Variants in KCNH7 observed in about 807,000 individuals in gnomAD.
KCNH7 encodes the protein voltage-gated inwardly rectifying potassium channel KCNH7.
Under a neutral mutation model 120.8 loss-of-function variants are expected in KCNH7, and 49 were observed. That is an observed-to-expected ratio of 0.41 (90% CI 0.32 to 0.51). The LOEUF (loss-of-function observed/expected upper bound fraction) is 0.51. KCNH7 is among the 20% of genes least tolerant of loss of function. The pLI is 0.38. For synonymous variants in KCNH7, 547 were observed against 516.1 expected, an observed-to-expected ratio of 1.06 and a Z score of -0.81; for missense variants, 1,097 against 1,446.6, an observed-to-expected ratio of 0.76 and a Z score of 3.92.
At chr2:162,514,596 T>C (rs1194560186) in intron 4 of KCNH7, among the ~76,000 whole-genome samples, 1 of 151,772 alleles carries the variant, frequency 6.6e-6, no homozygotes, top group Non-Finnish European at 1.5e-5. Context: ...GAATCTTTTG[T>C]AGCAGTTTGG....
chr2:162,562,307 T>G (rs1194511031), intron 2 of KCNH7, among the ~76,000 whole-genome samples: 3 of 152,194 alleles, frequency 2.0e-5, no homozygotes, highest in African/African-American at 7.2e-5. Flanking sequence ...GAATGATTTT[T>G]ATTAAAATGG....
At chr2:162,467,238 T>C (rs1462051998) in intron 6 of KCNH7, among the ~76,000 whole-genome samples, 1 of 152,186 alleles carries the variant, frequency 6.6e-6, no homozygotes, top group African/African-American at 2.4e-5. Context: ...GATTATGAAA[T>C]CAATGTGTCA....
intron 2 of KCNH7, among the ~76,000 whole-genome samples, chr2:162,680,451 T>C (rs966612527): frequency 6.6e-6 from 1 of 151,718 alleles, no homozygotes; most frequent in East Asian, 1.9e-4. Flanking sequence ...TTTTATGTTT[T>C]TTGTTTTTCC....
intron 2 of KCNH7, among the ~76,000 whole-genome samples, chr2:162,806,592 A>G (rs1171911567): frequency 6.6e-6 from 1 of 152,188 alleles, no homozygotes; most frequent in Non-Finnish European, 1.5e-5. Flanking sequence ...TCTGCTACTC[A>G]GTGTTACAAT....
intron 2 of KCNH7, among the ~76,000 whole-genome samples, chr2:162,804,053 G>C (rs1346441858): frequency 6.6e-6 from 1 of 151,762 alleles, no homozygotes; most frequent in Non-Finnish European, 1.5e-5. Flanking sequence ...CTTGAGAATA[G>C]GTAGTTGATG....
chr2:162,754,283 T>C (rs553567440), intron 2 of KCNH7, among the ~76,000 whole-genome samples: 1 of 151,204 alleles, frequency 6.6e-6, no homozygotes, highest in African/African-American at 2.4e-5. Flanking sequence ...GTAGTAGAAA[T>C]GAGAAAAGGA....
intron 6 of KCNH7, among the ~76,000 whole-genome samples, chr2:162,493,483 T>G (rs968778094): frequency 1.3e-5 from 2 of 152,252 alleles, no homozygotes; most frequent in South Asian, 4.1e-4. Flanking sequence ...GTCTAAAGTA[T>G]GCAGGTCAGA....
At chr2:162,604,217 T>TG (rs1038633517) in intron 2 of KCNH7, among the ~76,000 whole-genome samples, 1 of 152,108 alleles carries the variant, frequency 6.6e-6, no homozygotes, top group Non-Finnish European at 1.5e-5. Context: ...TGCTTACACA[T>TG]GGTTAAGTTG....
rs536032497 is a variant in KCNH7, at chr2:162,485,814, C to T, written c.1128+18629G>A. ...ATTTACAAATGACAGCTTATCACCC[C>T]GAAACAGGATGGTACAGCTCAACTG... is the stretch of plus-strand genomic sequence containing the variant. On this transcript the variant is annotated intron_variant, in intron 6 of 15. Coordinates refer to ENST00000332142, the MANE Select transcript of KCNH7 (RefSeq NM_033272.4). Among the ~76,000 whole-genome samples, 7 of 152,220 alleles carry T rather than the reference C, an allele frequency of 4.6e-5. No individual in the cohort carries two copies. The South Asian group carries it at 8.3e-4, about 18-fold the overall frequency.
At chr2:162,449,114 G>T (rs1028091727) in intron 6 of KCNH7, among the ~76,000 whole-genome samples, 10 of 152,096 alleles carry the variant, frequency 6.6e-5, no homozygotes, top group African/African-American at 2.2e-4. Flanking sequence ...GGAATTGTAA[G>T]CAGCCTTATA....
At chr2:162,583,062 TA>T (rs35642996) in intron 2 of KCNH7, among the ~76,000 whole-genome samples, 6,671 of 152,174 alleles carry the variant, frequency 0.044, 290 homozygotes, top group East Asian at 0.11. Flanking sequence ...TGGTAAATGC[TA>T]AATTTCAAAA....
chr2:162,836,594 G>C lies in KCNH7; in HGVS notation c.250C>G (p.Gln84Glu), dbSNP rs1167869631. Residue 84 changes from glutamine to glutamate, a missense_variant, in exon 2 of 16, where the codon CAG becomes GAG. Physicochemically the swap from Gln to Glu is conservative, Grantham distance 29 (BLOSUM62 2). Around this residue, in one of 8 missense-constraint regions of KCNH7, gnomAD observed 57 missense variants for 116.2 expected, o/e 0.49. Coordinates refer to ENST00000332142, the MANE Select transcript of KCNH7 (RefSeq NM_033272.4). ...TKRHDIAQIA[Q>E]ALLGSEERKV... Reference sequence around the variant, plus strand: ...CTCTCTTCTGACCCCAGCAATGCCTGGGCAATTTGGGCAATATCATGCCTC... The same window carrying C: ...CTCTCTTCTGACCCCAGCAATGCCTCGGCAATTTGGGCAATATCATGCCTC... 6.2e-7 allele frequency: 1 copy of C among 1,614,094 alleles called. No homozygotes were observed. The highest frequency in any genetic ancestry group is 8.5e-7 in the Non-Finnish European group (1 of 1,180,026).
At chr2:162,455,514 A>C (rs552851113) in intron 6 of KCNH7, among the ~76,000 whole-genome samples, 1 of 152,320 alleles carries the variant, frequency 6.6e-6, no homozygotes, top group African/African-American at 2.4e-5. Context: ...AAGGAATAGT[A>C]CCAGCTCCTC....
intron 12 of KCNH7, among the ~76,000 whole-genome samples, chr2:162,390,028 C>A (rs960688333): frequency 6.6e-6 from 1 of 151,870 alleles, no homozygotes; most frequent in Non-Finnish European, 1.5e-5. Context: ...ACAATGGACT[C>A]CAAATGAATG....
At chr2:162,535,827 A>T (rs1161646137) in intron 3 of KCNH7, among the ~76,000 whole-genome samples, 1 of 151,836 alleles carries the variant, frequency 6.6e-6, no homozygotes, top group Non-Finnish European at 1.5e-5. Flanking sequence ...AGATAGATCA[A>T]CAGAACAGAA....
chr2:162,671,769 A>G (rs1281705049), intron 2 of KCNH7, among the ~76,000 whole-genome samples: 2 of 152,226 alleles, frequency 1.3e-5, no homozygotes, highest in African/African-American at 4.8e-5. Flanking sequence ...GCTCTAATAA[A>G]AAAAGAAGGA....
intron 4 of KCNH7, among the ~76,000 whole-genome samples, chr2:162,515,415 A>G (rs1691248451): frequency 6.6e-6 from 1 of 151,774 alleles, no homozygotes; most frequent in Admixed American, 6.6e-5. Flanking sequence ...ACTCAGCACC[A>G]CTGTCCAAAC....
intron 15 of KCNH7, 108 bp from the exon 16 acceptor site, chr2:162,372,203 T>C (rs951061316): frequency 1.1e-6 from 1 of 911,284 alleles, no homozygotes; most frequent in Non-Finnish European, 1.6e-6. Flanking sequence ...TAATCTATAT[T>C]TGATTAGTGA....
In KCNH7 at chr2:162,371,602, G is replaced by C; in HGVS notation, c.*227C>G. 1.2e-6 allele frequency: 1 copy of C among 824,918 alleles called. No individual in the cohort carries two copies. Among genetic ancestry groups the C allele is most frequent in the Non-Finnish European group, 1.8e-6 (1 of 571,000 alleles). 51.1% of individuals were successfully genotyped at this position (824,918 alleles called of 1,614,324 possible). A position where few individuals can be genotyped will look rare whatever the true frequency, so the allele number is the denominator to read the frequency against. ...AAATAAAAATAAAAAATAAGGTGCC[G>C]TGAGATGCTGGCAGTTTTAACATTT... On this transcript the variant is annotated 3_prime_UTR_variant, in exon 16 of 16. Coordinates refer to ENST00000332142, the MANE Select transcript of KCNH7 (RefSeq NM_033272.4).
Sources: gnomAD v4.1 joint callset for allele counts (sites outside exome capture counted in the v4.1 genomes callset) on GRCh38, gnomAD v4.1.1 for gene constraint, gnomAD v4.1.1 regional missense constraint, MANE v1.5 for transcripts, NCBI Gene and HGNC (gene_info 2026-07-23, HGNC 2026-07-21) for gene names.